Variants in TFRC observed in about 807,000 individuals in gnomAD.
TFRC encodes transferrin receptor, also known as transferrin receptor protein 1.
In TFRC, 35 loss-of-function variants were observed where a neutral mutation model predicts 85.8. That is an observed-to-expected ratio of 0.41 (90% CI 0.31 to 0.54). The LOEUF is 0.54. TFRC is among the 20% of genes least tolerant of loss of function. The probability of loss-of-function intolerance (pLI) is 0.31; values close to 1 mark genes in which losing one functional copy is unlikely to be tolerated. For missense variants in TFRC, 828 were observed against 921.5 expected (o/e 0.90, Z 1.31); for synonymous variants, 362 against 328.6 (o/e 1.10, Z -1.10).
rs1716659986 is a variant in TFRC, at chr3:196,055,098, T to C, written c.1881A>G (p.Gln627=). ...TGCTCACCTTTATGTCTGCTCTGTA[T>C]TGGTTCAGATCCCTCACAAATGAAA... is the stretch of plus-strand genomic sequence containing the variant. ...QLLSFVRDLN[Q]YRADIKEMGL... is the part of the protein sequence containing the mutation. The change falls in exon 17 of 19, where the codon CAA becomes CAG. Residue 627 remains glutamine (Q), a synonymous_variant. Transcript: ENST00000360110. 1 of 1,614,206 alleles carries C rather than the reference T, an allele frequency of 6.2e-7. No individual in the cohort carries two copies. The highest frequency in any genetic ancestry group is 1.7e-5 in the Admixed American group (1 of 60,034).
At position 196,058,639 on chromosome 3, in the gene TFRC, G is replaced by A. The variant is rs940889057; in HGVS notation, c.1537-7C>T. On this transcript the variant is annotated splice_region_variant and splice_polypyrimidine_tract_variant and intron_variant, in intron 14 of 18. Coordinates refer to ENST00000360110, the MANE Select transcript of TFRC (RefSeq NM_001128148.3). ...CAGTAACCGGATGCTTCACCTGTAAGATAAGAAATTATCATTAAAACTAAC... is the reference window on the plus strand; with the variant it reads ...CAGTAACCGGATGCTTCACCTGTAAAATAAGAAATTATCATTAAAACTAAC... The A allele has an allele frequency of 4.4e-6, 7 of 1,605,156 alleles. No individual in the cohort carries two copies. Among genetic ancestry groups the A allele is most frequent in the Non-Finnish European group, 6.0e-6 (7 of 1,175,548 alleles).
Position 196,055,304 on chromosome 3 carries a change from G to A in TFRC, c.1678-3C>T, listed in dbSNP as rs769019945. The A allele has an allele frequency of 1.2e-6, 2 of 1,611,384 alleles. No individual in the cohort carries two copies. The highest frequency in any genetic ancestry group is 1.7e-6 in the Non-Finnish European group (2 of 1,177,456). On this transcript the variant is annotated splice_region_variant and splice_polypyrimidine_tract_variant and intron_variant, in intron 16 of 18. Transcript: ENST00000360110. ...CCCAAATAAGGATAATCTGTGTCCT[G>A]CAAGACAACGCGAGGCTATGGTACT...
At chr3:196,055,801 G>A (rs1231675964) in intron 16 of TFRC, among the ~76,000 whole-genome samples, 1 of 144,842 alleles carries the variant, frequency 6.9e-6, no homozygotes, top group African/African-American at 2.6e-5. Flanking sequence ...TTGAGACAAG[G>A]TCTCTGTCAC....
At position 196,075,133 on chromosome 3, in the gene TFRC, T is replaced by C. The variant is rs112693042; in HGVS notation, c.238+26A>G. ...TTCCCAGAGTTGGTTATAGAAAACA[T>C]TGAAGTTTGGAATGGTCATTCTCAC... On this transcript the variant is annotated intron_variant, in intron 3 of 18. Transcript: ENST00000360110. 3.1e-4 allele frequency: 500 copies of C among 1,607,296 alleles called. 4 individuals carry two copies. Among genetic ancestry groups the C allele is most frequent in the South Asian group, 6.0e-4 (55 of 90,918 alleles).
rs1390090823 is a variant in TFRC, at chr3:196,075,204, T to G, written c.193A>C (p.Ser65Arg). 3 of 1,614,218 alleles carry G rather than the reference T, an allele frequency of 1.9e-6. No homozygotes were observed. Among genetic ancestry groups the G allele is most frequent in the Non-Finnish European group, 1.7e-6 (2 of 1,180,042 alleles). ...NVTKPKRCSG[S>R]ICYGTIAVIV... ...ACAGCAATAGTCCCATAGCAGATAC[T>G]TCCACTACACCTTTTTGGTTTTGTG... The change falls in exon 3 of 19, where the codon AGT (serine) becomes CGT (arginine). Residue 65 changes from serine to arginine, a missense_variant. Physicochemically the swap from Ser to Arg is moderately radical, Grantham distance 110 (BLOSUM62 -1). Coordinates refer to ENST00000360110, the MANE Select transcript of TFRC (RefSeq NM_001128148.3).
chr3:196,063,467 A>ATCCC (rs1477449537), intron 11 of TFRC: 1 of 153,094 alleles, frequency 6.5e-6, no homozygotes, highest in African/African-American at 2.4e-5. Flanking sequence ...ACTGCCCTCC[A>ATCCC]TCCCTCCCAC....
chr3:196,062,725 T>C, intron 12 of TFRC, 80 bp from the exon 13 acceptor site: 1 of 1,546,830 alleles, frequency 6.5e-7, no homozygotes, highest in Non-Finnish European at 8.9e-7. Context: ...TCATTTTCAA[T>C]TCTGGACTCT....
intron 2 of TFRC, 56 bp from the exon 3 acceptor site, chr3:196,075,416 C>T: frequency 6.4e-7 from 1 of 1,566,018 alleles, no homozygotes; most frequent in East Asian, 2.2e-5. Context: ...TTAGGAAAAG[C>T]TCGTTTAGGT....
intron 1 of TFRC, chr3:196,081,721 G>C (rs1303883904): frequency 2.6e-5 from 4 of 152,426 alleles, no homozygotes; most frequent in African/African-American, 7.2e-5. Flanking sequence ...GTCATTCGTC[G>C]CTCTGTGACC....
chr3:196,057,288 C>T (rs1445686417), intron 16 of TFRC, among the ~76,000 whole-genome samples: 1 of 152,196 alleles, frequency 6.6e-6, no homozygotes, highest in Non-Finnish European at 1.5e-5. Flanking sequence ...CTGTGAAAAT[C>T]CCGTCCTGTT....
At position 196,075,073 on chromosome 3, in the gene TFRC, A is replaced by G. The variant is rs1044134883; in HGVS notation, c.238+86T>C. On this transcript the variant is annotated intron_variant, in intron 3 of 18. Transcript: ENST00000360110. Reference sequence around the variant, plus strand: ...AAAAAAAAAAAAAAAAAAATAAGGTACAAAATAACTATATGCTGAGCTGAC... The same window carrying G: ...AAAAAAAAAAAAAAAAAAATAAGGTGCAAAATAACTATATGCTGAGCTGAC... 1.6e-5 allele frequency: 15 copies of G among 944,494 alleles called. No individual in the cohort carries two copies. The Admixed American group carries it at 3.6e-4, about 23-fold the overall frequency. 58.5% of individuals were successfully genotyped at this position (944,494 alleles called of 1,614,324 possible).
chr3:196,056,865 A>AAGCTGC (rs143342056), intron 16 of TFRC, among the ~76,000 whole-genome samples: 12,162 of 152,026 alleles, frequency 0.08, 635 homozygotes, highest in Middle Eastern at 0.12. Context: ...TCTGTCACCC[A>AAGCTGC]AGCTGCAGTG....
chr3:196,072,986 G>C (rs1055514759), intron 4 of TFRC: 2 of 147,998 alleles, frequency 1.4e-5, no homozygotes, highest in Non-Finnish European at 3.0e-5. Context: ...GATCATCTGA[G>C]GTCAGGAGTT....
chr3:196,073,326 C>T (rs943694424), intron 4 of TFRC, among the ~76,000 whole-genome samples: 11 of 150,222 alleles, frequency 7.3e-5, no homozygotes, highest in Non-Finnish European at 1.5e-4. Context: ...GGGTGTGGTG[C>T]TGCGTGCTTA....
Position 196,072,131 on chromosome 3 carries a change from A to G in TFRC, c.456T>C (p.Tyr152=), listed in dbSNP as rs141028456. 5.0e-5 allele frequency: 81 copies of G among 1,613,506 alleles called. No homozygotes were observed. The African/African-American group carries it at 8.0e-4, about 16-fold the overall frequency. ...GTIKLLNENS[Y]VPREAGSQKD... ...TTTGAGATCCAGCCTCACGAGGGAC[A>G]TATGAATTTTCATTCAGCAGCCTGG... Residue 152 remains tyrosine (Y), a synonymous_variant, in exon 5 of 19, where the codon TAT becomes TAC. Transcript: ENST00000360110.
rs1717821587 is a variant in TFRC, at chr3:196,067,395, C to A, written c.1040+123G>T. 8.5e-6 allele frequency: 9 copies of A among 1,060,714 alleles called. No individual in the cohort carries two copies. The South Asian group carries it at 1.5e-4, about 18-fold the overall frequency. The allele number at this position is 1,060,714 out of a possible 1,614,324, so 65.7% of individuals were successfully genotyped here. ...ATATCTGTACCAAGGTAACAGCTAA[C>A]CATCCTCCAAATTCCCAAATGTGGA... On this transcript the variant is annotated intron_variant, in intron 9 of 18. Transcript: ENST00000360110.
chr3:196,068,124 T>C lies in TFRC; in HGVS notation c.808A>G (p.Asn270Asp). 6.2e-7 allele frequency: 1 copy of C among 1,610,932 alleles called. No homozygotes were observed. The highest frequency in any genetic ancestry group is 1.1e-5 in the South Asian group (1 of 90,386). ...GKITFAEKVANAESLNAIGVL... is the reference protein window; with the variant it reads ...GKITFAEKVADAESLNAIGVL... ...CCAATTGCATTTAAGCTTTCAGCAT[T>C]TGCAACCTAAAAGAAAACATATAAA... The change falls in exon 8 of 19, where the codon AAT becomes GAT. Residue 270 changes from asparagine (N) to aspartate (D), a missense_variant. By Grantham distance (23) the Asn-to-Asp change is conservative (BLOSUM62 1). Transcript: ENST00000360110.
chr3:196,076,649 G>A (rs1718730359), intron 2 of TFRC, among the ~76,000 whole-genome samples: 2 of 150,070 alleles, frequency 1.3e-5, no homozygotes, highest in African/African-American at 4.9e-5. Context: ...AGTAGAGACC[G>A]AGTTTCACCA....
At chr3:196,059,256 G>T (rs1044384737) in intron 14 of TFRC, among the ~76,000 whole-genome samples, 3 of 152,216 alleles carry the variant, frequency 2.0e-5, no homozygotes, top group Non-Finnish European at 4.4e-5. Flanking sequence ...GGAGGCTGCA[G>T]TGAGCCAAGA....
Sources: allele counts gnomAD v4.1 joint callset (sites outside exome capture counted in the v4.1 genomes callset), GRCh38; gene constraint gnomAD v4.1.1; transcripts MANE v1.5; gene names NCBI Gene and HGNC (gene_info 2026-07-23, HGNC 2026-07-21).